The following ZFAND4 variants were observed in gnomAD, a reference collection of about 807,000 sequenced individuals.
The protein encoded by ZFAND4 is AN1-type zinc finger protein 4.
In ZFAND4, 43 loss-of-function variants were observed where a neutral mutation model predicts 64.4. The observed-to-expected ratio is 0.67, with a 90% CI of 0.52 to 0.86. ZFAND4 has a LOEUF of 0.86. ZFAND4 is among the 40% of genes least tolerant of loss of function. The pLI is 0.00. For missense variants in ZFAND4, 929 were observed against 859.8 expected, an observed-to-expected ratio of 1.08 and a Z score of -1.01; for synonymous variants, 296 against 305.7, an observed-to-expected ratio of 0.97 and a Z score of 0.33.
At chr10:45,656,465 G>A (rs1317593351) in intron 2 of ZFAND4, among the ~76,000 whole-genome samples, 2 of 124,500 alleles carry the variant, frequency 1.6e-5, no homozygotes, top group South Asian at 2.5e-4. Context: ...TGGTGCCACT[G>A]CACTCCAGGC....
At chr10:45,636,361 C>T (rs543156445) in intron 6 of ZFAND4, among the ~76,000 whole-genome samples, 15 of 152,054 alleles carry the variant, frequency 9.9e-5, no homozygotes, top group African/African-American at 2.9e-4. Context: ...CTGGTCTAGG[C>T]GCAGTGACTC....
At position 45,644,744 on chromosome 10, in the gene ZFAND4, T is replaced by C. The variant is rs189846690; in HGVS notation, c.569+3550A>G. 4.4e-4 allele frequency among the ~76,000 whole-genome samples: 67 copies of C among 152,322 alleles called. 1 individual carries two copies. The East Asian group carries it at 9.2e-3, about 21-fold the overall frequency. On this transcript the variant is annotated intron_variant, in intron 5 of 9. Coordinates refer to ENST00000344646, the MANE Select transcript of ZFAND4 (RefSeq NM_174890.4). ...ATGAGCTGACATATATTACCCATAT[T>C]GCTCTGTGTTATTGTTTATTGAGGG...
Position 45,648,369 on chromosome 10 carries a change from G to A in ZFAND4, c.494C>T (p.Thr165Ile). Residue 165 changes from threonine (T) to isoleucine (I), a missense_variant, in exon 5 of 10, where the codon ACA becomes ATA. Transcript: ENST00000344646. Reference protein sequence around the residue: ...PAVDRGDGTLTPLSDSSKKID... With the variant: ...PAVDRGDGTLIPLSDSSKKID... ...TTTCTTTGAAGAGTCAGATAACGGTGTTAAAGTGCCATCTCCCCTATCTAC... is the reference window on the plus strand; with the variant it reads ...TTTCTTTGAAGAGTCAGATAACGGTATTAAAGTGCCATCTCCCCTATCTAC... 1 of 1,614,020 alleles carries A rather than the reference G, an allele frequency of 6.2e-7. No homozygotes were observed. Among genetic ancestry groups the A allele is most frequent in the Non-Finnish European group, 8.5e-7 (1 of 1,179,962 alleles).
chr10:45,666,600 G>C (rs1308029518), intron 1 of ZFAND4, among the ~76,000 whole-genome samples: 1 of 152,090 alleles, frequency 6.6e-6, no homozygotes, highest in East Asian at 1.9e-4. Flanking sequence ...CTTAACCCAA[G>C]GTAATAAAGA....
chr10:45,617,591 G>GGAAAA (rs771265046), intron 9 of ZFAND4, among the ~76,000 whole-genome samples: 8 of 71,082 alleles, frequency 1.1e-4, no homozygotes, highest in African/African-American at 3.2e-4. Context: ...TTACAGTACT[G>GGAAAA]AAAAAAAAAA....
chr10:45,622,723 T>A lies in ZFAND4; in HGVS notation c.1927+1860A>T, dbSNP rs116323665. ...GAAATGTCAACCCTCACTCTAAACT[T>A]TCCCCGTTCAGAACATCAGATACTT... is the stretch of plus-strand genomic sequence containing the variant. On this transcript the variant is annotated intron_variant, in intron 8 of 9. Coordinates refer to ENST00000344646, the MANE Select transcript of ZFAND4 (RefSeq NM_174890.4). Among the ~76,000 whole-genome samples, 350 of 152,316 alleles carry A rather than the reference T, an allele frequency of 2.3e-3. 1 individual carries two copies. The highest frequency in any genetic ancestry group is 8.2e-3 in the African/African-American group (342 of 41,578).
At chr10:45,642,587 G>A (rs1167116249) in intron 5 of ZFAND4, among the ~76,000 whole-genome samples, 5 of 141,396 alleles carry the variant, frequency 3.5e-5, no homozygotes, top group African/African-American at 1.1e-4. Flanking sequence ...CAGCCTGGGC[G>A]ACAGAGTGAG....
At chr10:45,660,289 C>T (rs565889231) in intron 2 of ZFAND4, among the ~76,000 whole-genome samples, 3 of 151,930 alleles carry the variant, frequency 2.0e-5, no homozygotes, top group Non-Finnish European at 4.4e-5. Flanking sequence ...AGGTCGAGTC[C>T]AGCCTGGCCA....
At chr10:45,671,414 A>G (rs1447019153) in intron 1 of ZFAND4, among the ~76,000 whole-genome samples, 2 of 152,236 alleles carry the variant, frequency 1.3e-5, no homozygotes, top group African/African-American at 4.8e-5. Flanking sequence ...ACAACAGCAA[A>G]GACTTGGAAC....
intron 2 of ZFAND4, among the ~76,000 whole-genome samples, chr10:45,653,818 T>G (rs1440899987): frequency 1.3e-5 from 2 of 152,166 alleles, no homozygotes. Context: ...CACTACTGGG[T>G]ATATACCCAG....
intron 5 of ZFAND4, among the ~76,000 whole-genome samples, chr10:45,644,079 T>C (rs2047210067): frequency 6.6e-6 from 1 of 151,916 alleles, no homozygotes; most frequent in Admixed American, 6.6e-5. Context: ...TGACAGACTT[T>C]ATGTGGCTCT....
chr10:45,653,309 T>G (rs890966538), intron 2 of ZFAND4, among the ~76,000 whole-genome samples: 1 of 152,124 alleles, frequency 6.6e-6, no homozygotes, highest in Admixed American at 6.5e-5. Context: ...AAACAAGGTA[T>G]AAGATAGGGA....
chr10:45,623,048 G>A lies in ZFAND4; in HGVS notation c.1927+1535C>T, dbSNP rs998756312. 3.3e-5 allele frequency among the ~76,000 whole-genome samples: 5 copies of A among 152,104 alleles called. 1 individual carries two copies. The South Asian group carries it at 1.0e-3, about 32-fold the overall frequency. On this transcript the variant is annotated intron_variant, in intron 8 of 9. Coordinates refer to ENST00000344646, the MANE Select transcript of ZFAND4 (RefSeq NM_174890.4). ...CAGTAACACTAATCGTCACAGATACGCAAATCAAAACCACAGTGACATCAC... is the reference window on the plus strand; with the variant it reads ...CAGTAACACTAATCGTCACAGATACACAAATCAAAACCACAGTGACATCAC...
chr10:45,631,983 T>G (rs553370535), intron 6 of ZFAND4, among the ~76,000 whole-genome samples: 113 of 152,326 alleles, frequency 7.4e-4, no homozygotes, highest in Non-Finnish European at 1.3e-3. Context: ...CCTACAAGCC[T>G]TTCTTGAGGA....
chr10:45,653,120 T>C, intron 2 of ZFAND4, 61 bp from the exon 3 acceptor site: 3 of 1,256,452 alleles, frequency 2.4e-6, no homozygotes, highest in Non-Finnish European at 3.4e-6. Flanking sequence ...CAAAAGAGTA[T>C]GATACAAATC....
rs185080112 is a variant in ZFAND4 at position 45,641,357 on chromosome 10, T to C, written c.570-1394A>G. 1.3e-3 allele frequency among the ~76,000 whole-genome samples: 195 copies of C among 152,324 alleles called. 1 individual carries two copies. Among genetic ancestry groups the C allele is most frequent in the African/African-American group, 4.3e-3 (180 of 41,568 alleles). ...TAGGAAAACTAGGTTATCTACACTA[T>C]GGAAGTATGAGGAAAATTTCCCGTT... On this transcript the variant is annotated intron_variant, in intron 5 of 9. Coordinates refer to ENST00000344646, the MANE Select transcript of ZFAND4 (RefSeq NM_174890.4).
intron 2 of ZFAND4, among the ~76,000 whole-genome samples, chr10:45,655,426 A>G (rs911451174): frequency 4.6e-5 from 7 of 152,260 alleles, no homozygotes; most frequent in African/African-American, 1.7e-4. Context: ...CTGACATCAC[A>G]GTTTGATGTG....
chr10:45,640,360 AT>A, intron 5 of ZFAND4: 1 of 1,274,100 alleles, frequency 7.8e-7, no homozygotes, highest in Admixed American at 2.5e-5. Context: ...ATGAATCAGA[AT>A]TTTTTTAAAT....
chr10:45,637,693 T>G (rs1163270941), intron 6 of ZFAND4, among the ~76,000 whole-genome samples: 1 of 152,094 alleles, frequency 6.6e-6, no homozygotes, highest in Non-Finnish European at 1.5e-5. Flanking sequence ...GAGGTTGCAG[T>G]GAGCAGAGAT....
Sources: allele counts gnomAD v4.1 joint callset (sites outside exome capture counted in the v4.1 genomes callset), GRCh38; gene constraint gnomAD v4.1.1; transcripts MANE v1.5; gene names NCBI Gene and HGNC (gene_info 2026-07-23, HGNC 2026-07-21).